Variants in GPC5 observed in about 807,000 individuals in gnomAD.
The protein encoded by GPC5 is glypican 5.
GPC5 carries 47 observed loss-of-function variants against 53.9 expected under a neutral mutation model. The ratio of observed to expected loss-of-function variants is 0.87; its 90% CI spans 0.69 to 1.11. GPC5 has a LOEUF of 1.11. GPC5 is among the 50% of genes most tolerant of loss of function. The pLI is 0.00. For missense variants in GPC5, 748 were observed against 713.1 expected (o/e 1.05, Z -0.56); for synonymous variants, 286 against 263.3 (o/e 1.09, Z -0.84).
chr13:92,256,865 T>C (rs2042729831), intron 7 of GPC5, among the ~76,000 whole-genome samples: 1 of 152,108 alleles, frequency 6.6e-6, no homozygotes, highest in Non-Finnish European at 1.5e-5. Context: ...CTAATTTTGC[T>C]TTTTAAAAGT....
At chr13:91,742,949 A>C (rs1325827884) in intron 4 of GPC5, among the ~76,000 whole-genome samples, 3 of 152,168 alleles carry the variant, frequency 2.0e-5, no homozygotes, top group Non-Finnish European at 4.4e-5. Flanking sequence ...GACAGTTTTC[A>C]AACTGGTCAT....
intron 7 of GPC5, among the ~76,000 whole-genome samples, chr13:92,604,873 A>G (rs939241438): frequency 1.3e-5 from 2 of 152,200 alleles, no homozygotes; most frequent in Non-Finnish European, 2.9e-5. Flanking sequence ...TTAATATACA[A>G]GCTTTTCTTT....
chr13:91,624,519 A>AATCT (rs2033948453), intron 2 of GPC5, among the ~76,000 whole-genome samples: 2 of 152,146 alleles, frequency 1.3e-5, no homozygotes, highest in Non-Finnish European at 2.9e-5. Context: ...TTGAAGACAT[A>AATCT]GAAGATTCAG....
chr13:91,911,619 T>C (rs2039611501), intron 6 of GPC5, among the ~76,000 whole-genome samples: 1 of 152,158 alleles, frequency 6.6e-6, no homozygotes, highest in Non-Finnish European at 1.5e-5. Flanking sequence ...ATAAAATTTA[T>C]GTTTTATGAG....
intron 7 of GPC5, among the ~76,000 whole-genome samples, chr13:92,274,114 T>C (rs2042858871): frequency 6.6e-6 from 1 of 152,226 alleles, no homozygotes; most frequent in Non-Finnish European, 1.5e-5. Flanking sequence ...TTGGAGCATA[T>C]GCTTTTTTGC....
At chr13:91,535,610 G>A (rs1201148542) in intron 2 of GPC5, among the ~76,000 whole-genome samples, 1 of 151,996 alleles carries the variant, frequency 6.6e-6, no homozygotes, top group Non-Finnish European at 1.5e-5. Context: ...GAATTATCAG[G>A]ATATGGACAC....
Position 91,853,471 on chromosome 13 carries a change from A to G in GPC5, c.1281-54466A>G, listed in dbSNP as rs2038935554. On this transcript the variant is annotated intron_variant, in intron 5 of 7. Coordinates refer to ENST00000377067, the MANE Select transcript of GPC5 (RefSeq NM_004466.6). The stretch of plus-strand genomic sequence containing the variant: ...TTATACCAAGACACAATAAGACTTT[A>G]TGATGGGATTACAGCATGGAGAGAT... 2.6e-5 allele frequency among the ~76,000 whole-genome samples: 4 copies of G among 152,052 alleles called. No homozygotes were observed. In the South Asian group the frequency reaches 8.3e-4, roughly 31 times the overall value.
At chr13:91,776,475 A>C (rs970095745) in intron 5 of GPC5, among the ~76,000 whole-genome samples, 2 of 152,244 alleles carry the variant, frequency 1.3e-5, no homozygotes, top group African/African-American at 4.8e-5. Context: ...GACTGGCCAC[A>C]GCTAAGTACT....
rs1566516120 is a variant in GPC5, at chr13:91,571,908, A to ATACACACATATACGTGTGTG, written c.326-121277_326-121276insCACACATATACGTGTGTGTA. Among the ~76,000 whole-genome samples, 15 of 57,916 alleles carry ATACACACATATACGTGTGTG rather than the reference A, an allele frequency of 2.6e-4. 1 individual carries two copies. Among genetic ancestry groups the ATACACACATATACGTGTGTG allele is most frequent in the Admixed American group, 6.8e-4 (4 of 5,916 alleles). The allele number at this position is 57,916 out of a possible 152,430, so 38.0% of individuals were successfully genotyped here. ...ATACGTGTGTATATACACATATTGT[A>ATACACACATATACGTGTGTG]TATATACACATATTGTATATATACA... On this transcript the variant is annotated intron_variant, in intron 2 of 7. Coordinates refer to ENST00000377067, the MANE Select transcript of GPC5 (RefSeq NM_004466.6).
chr13:92,716,923 C>G (rs1357975960), intron 7 of GPC5, among the ~76,000 whole-genome samples: 1 of 152,100 alleles, frequency 6.6e-6, no homozygotes, highest in Non-Finnish European at 1.5e-5. Context: ...GACAGCCCTA[C>G]AGAGGGCAGC....
intron 7 of GPC5, among the ~76,000 whole-genome samples, chr13:92,267,128 C>T (rs550687271): frequency 1.3e-5 from 2 of 152,168 alleles, no homozygotes; most frequent in South Asian, 2.1e-4. Flanking sequence ...TACATGTAAA[C>T]TTCAAATAAA....
intron 2 of GPC5, among the ~76,000 whole-genome samples, chr13:91,639,636 C>T (rs554546972): frequency 8.9e-6 from 1 of 112,418 alleles, no homozygotes; most frequent in Admixed American, 9.8e-5. Context: ...TCATTGTTAC[C>T]CAAGAAGTCC....
intron 7 of GPC5, among the ~76,000 whole-genome samples, chr13:92,764,009 T>C (rs1298082830): frequency 1.3e-5 from 2 of 152,152 alleles, no homozygotes; most frequent in Non-Finnish European, 2.9e-5. Context: ...GTCTGTTGTT[T>C]TGCCTGTAGG....
chr13:92,159,534 T>A (rs1359879643), intron 7 of GPC5, among the ~76,000 whole-genome samples: 1 of 151,238 alleles, frequency 6.6e-6, no homozygotes, highest in Admixed American at 6.6e-5. Context: ...GGTTATCCTA[T>A]CTCTTCCATT....
chr13:92,485,729 AC>A (rs1879528108), intron 7 of GPC5, among the ~76,000 whole-genome samples: 1 of 152,194 alleles, frequency 6.6e-6, no homozygotes, highest in East Asian at 1.9e-4. Flanking sequence ...TAATCCCAGC[AC>A]TTTGGGAGGC....
At chr13:91,886,251 A>G (rs1054815019) in intron 5 of GPC5, among the ~76,000 whole-genome samples, 8 of 152,176 alleles carry the variant, frequency 5.3e-5, no homozygotes, top group African/African-American at 1.4e-4. Flanking sequence ...TTATGAAACC[A>G]TCAGATCTTG....
At chr13:92,819,687 G>T (rs1877608547) in intron 7 of GPC5, among the ~76,000 whole-genome samples, 1 of 152,038 alleles carries the variant, frequency 6.6e-6, no homozygotes, top group Non-Finnish European at 1.5e-5. Context: ...ATCCCCCTGG[G>T]GTAGGTATGT....
intron 2 of GPC5, among the ~76,000 whole-genome samples, chr13:91,527,052 C>A (rs1886119855): frequency 6.6e-6 from 1 of 152,182 alleles, no homozygotes; most frequent in Admixed American, 6.5e-5. Flanking sequence ...CAAACCATAT[C>A]ATTCTGCCCC....
intron 2 of GPC5, among the ~76,000 whole-genome samples, chr13:91,663,640 T>A (rs959082208): frequency 2.0e-5 from 3 of 152,004 alleles, no homozygotes; most frequent in Non-Finnish European, 4.4e-5. Flanking sequence ...AACATTTTTT[T>A]TTTTGTAAAG....
Sources: allele counts gnomAD v4.1 joint callset (sites outside exome capture counted in the v4.1 genomes callset), GRCh38; gene constraint gnomAD v4.1.1; transcripts MANE v1.5; gene names NCBI Gene and HGNC (gene_info 2026-07-23, HGNC 2026-07-21).